The following ESYT1 variants were observed in gnomAD, a reference collection of about 807,000 sequenced individuals.
ESYT1 encodes extended synaptotagmin 1, also known as extended synaptotagmin-1.
In ESYT1, 116 loss-of-function variants were observed where a neutral mutation model predicts 154.2. The observed-to-expected ratio is 0.75, with a 90% CI of 0.65 to 0.88. The LOEUF (loss-of-function observed/expected upper bound fraction) is 0.88, where lower values mean the gene tolerates loss of function less well. Ranked by LOEUF, ESYT1 falls within the 40% of genes least tolerant of loss-of-function variation. The pLI, the probability that ESYT1 is intolerant of heterozygous loss-of-function variation, is 0.00. For missense variants in ESYT1, 1,264 were observed against 1,379.3 expected (o/e 0.92, Z 1.32); for synonymous variants, 500 against 539.9 (o/e 0.93, Z 1.02).
rs1330901436 is a variant in ESYT1, at chr12:56,136,753, G to A, written c.1642G>A (p.Asp548Asn). Residue 548 changes from aspartate (D) to asparagine (N), a missense_variant, in exon 16 of 31, where the codon GAT (aspartate) becomes AAT (asparagine). Asp to Asn is a conservative substitution (Grantham distance 23, BLOSUM62 1). Coordinates refer to ENST00000394048, the MANE Select transcript of ESYT1 (RefSeq NM_015292.3). ...SQELDVQVKDDSRALTLGALT... is the reference protein window; with the variant it reads ...SQELDVQVKDNSRALTLGALT... ...CCTCCTGTGCCTGTAGGTGAAGGATGATTCCAGGGCCCTGACTTTAGGAGC... is the reference window on the plus strand; with the variant it reads ...CCTCCTGTGCCTGTAGGTGAAGGATAATTCCAGGGCCCTGACTTTAGGAGC... 4 of 1,605,856 alleles carry A rather than the reference G, an allele frequency of 2.5e-6. No individual in the cohort carries two copies. In the South Asian group the frequency reaches 4.4e-5, roughly 18 times the overall value.
In ESYT1 at chr12:56,138,234, C is replaced by T. The variant is rs760550478; in HGVS notation, c.2299C>T (p.Arg767Cys). Residue 767 changes from arginine to cysteine, a missense_variant, in exon 21 of 31, where the codon CGT becomes TGT. By Grantham distance (180) the Arg-to-Cys change is radical. Coordinates refer to ENST00000394048, the MANE Select transcript of ESYT1 (RefSeq NM_015292.3). ...TGGCCGCCTGCACTTGCGCCTGGAG[C>T]GTCTCACCCCCCGTCCCACTGCTGC... Reference protein sequence around the residue: ...PSGRLHLRLERLTPRPTAAEL... With the variant: ...PSGRLHLRLECLTPRPTAAEL... 4.3e-6 allele frequency: 7 copies of T among 1,614,192 alleles called. No homozygotes were observed. The highest frequency in any genetic ancestry group is 2.2e-5 in the East Asian group (1 of 44,886).
intron 14 of ESYT1, 47 bp downstream of exon 14, chr12:56,134,228 G>C (rs1419796862): frequency 1.2e-6 from 2 of 1,605,832 alleles, no homozygotes; most frequent in South Asian, 2.2e-5. Context: ...GACAGGGAGA[G>C]GCCTATTCTT....
chr12:56,132,895 C>T lies in ESYT1; in HGVS notation c.1244+94C>T, dbSNP rs1044258227. On this transcript the variant is annotated intron_variant, in intron 10 of 30. Coordinates refer to ENST00000394048, the MANE Select transcript of ESYT1 (RefSeq NM_015292.3). ...CAGCACTTTGGGAGGCTGAGGCGGG[C>T]GGATCACGAGGTCAGGAGATTGAGA... 26 of 1,055,322 alleles carry T rather than the reference C, an allele frequency of 2.5e-5. No homozygotes were observed. The African/African-American group carries it at 2.5e-4, about 10-fold the overall frequency. The allele number at this position is 1,055,322 out of a possible 1,614,324, so 65.4% of individuals were successfully genotyped here.
In ESYT1 at chr12:56,138,244, C is replaced by G; in HGVS notation, c.2309C>G (p.Pro770Arg). 2 of 1,614,232 alleles carry G rather than the reference C, an allele frequency of 1.2e-6. No individual in the cohort carries two copies. The highest frequency in any genetic ancestry group is 1.7e-5 in the Admixed American group (1 of 60,024). ...CACTTGCGCCTGGAGCGTCTCACCCCCCGTCCCACTGCTGCTGAGTTAGAG... is the reference window on the plus strand; with the variant it reads ...CACTTGCGCCTGGAGCGTCTCACCCGCCGTCCCACTGCTGCTGAGTTAGAG... ...RLHLRLERLT[P>R]RPTAAELEEV... Residue 770 changes from proline to arginine, a missense_variant, in exon 21 of 31, where the codon CCC becomes CGC. By Grantham distance (103) the Pro-to-Arg change is moderately radical. Coordinates refer to ENST00000394048, the MANE Select transcript of ESYT1 (RefSeq NM_015292.3).
chr12:56,132,711 T>C lies in ESYT1; in HGVS notation c.1162-8T>C. 3 of 1,614,114 alleles carry C rather than the reference T, an allele frequency of 1.9e-6. No homozygotes were observed. Among genetic ancestry groups the C allele is most frequent in the Non-Finnish European group, 2.5e-6 (3 of 1,179,980 alleles). ...CCCATGAGACACTCAGCCTTCTGTG[T>C]TCCCCAGGTGATGGTACACGAGGTC... is the stretch of plus-strand genomic sequence containing the variant. On this transcript the variant is annotated splice_region_variant and splice_polypyrimidine_tract_variant and intron_variant, in intron 9 of 30. Transcript: ENST00000394048.
chr12:56,142,430 G>A lies in ESYT1; in HGVS notation c.2733+5G>A. 6.2e-7 allele frequency: 1 copy of A among 1,611,538 alleles called. No individual in the cohort carries two copies. Among genetic ancestry groups the A allele is most frequent in the Non-Finnish European group, 8.5e-7 (1 of 1,178,140 alleles). ...CTACTGAGAGCACAGCTAGGGGTGA[G>A]TGACAGGAGATGGTGGGCAGGATGA... On this transcript the variant is annotated splice_donor_5th_base_variant and intron_variant, in intron 25 of 30. Transcript: ENST00000394048. The surrounding 1 kb of genome is among the most constrained non-coding windows in gnomAD (Gnocchi z 4.1).
intron 1 of ESYT1, chr12:56,130,223 T>G (rs1870175958): frequency 2.7e-6 from 1 of 364,044 alleles, no homozygotes; most frequent in South Asian, 3.1e-5. Flanking sequence ...GAACCAGGAC[T>G]TTTTAAATCC....
chr12:56,143,999 T>C lies in ESYT1; in HGVS notation c.*137T>C. 1.3e-6 allele frequency: 2 copies of C among 1,549,528 alleles called. No homozygotes were observed. The highest frequency in any genetic ancestry group is 1.7e-6 in the Non-Finnish European group (2 of 1,153,786). On this transcript the variant is annotated 3_prime_UTR_variant, in exon 31 of 31. Coordinates refer to ENST00000394048, the MANE Select transcript of ESYT1 (RefSeq NM_015292.3). ...TCAGCCCTTTCACCTAACAGGCCCA[T>C]ATTCGGGCCTTTGCCTGACCAAAGA...
intron 13 of ESYT1, 101 bp from the exon 14 acceptor site, chr12:56,134,009 A>T (rs1371224408): frequency 1.3e-6 from 2 of 1,548,296 alleles, no homozygotes; most frequent in Non-Finnish European, 1.8e-6. Context: ...AGGGGATCAG[A>T]TCCATCTCAG....
rs1298868830 is a variant in ESYT1, at chr12:56,142,588, C to T, written c.2744C>T (p.Ser915Phe). 1.2e-6 allele frequency: 2 copies of T among 1,614,140 alleles called. No individual in the cohort carries two copies. The highest frequency in any genetic ancestry group is 2.2e-5 in the South Asian group (2 of 91,084). Reference protein sequence around the residue: ...LLRAQLGILVSQHSGVEAHSH... With the variant: ...LLRAQLGILVFQHSGVEAHSH... ...CTTTCTTGCCCCTAGATCCTGGTGT[C>T]CCAGCACTCGGGAGTGGAAGCTCAT... Residue 915 changes from serine to phenylalanine, a missense_variant, in exon 26 of 31, where the codon TCC (serine) becomes TTC (phenylalanine). Transcript: ENST00000394048. The surrounding 1 kb of genome is among the most constrained non-coding windows in gnomAD (Gnocchi z 4.1).
chr12:56,132,520 G>A lies in ESYT1; in HGVS notation c.1084G>A (p.Val362Met), dbSNP rs754440919. 6.2e-7 allele frequency: 1 copy of A among 1,614,236 alleles called. No individual in the cohort carries two copies. The highest frequency in any genetic ancestry group is 1.7e-5 in the Admixed American group (1 of 60,028). Residue 362 changes from valine (V) to methionine (M), a missense_variant, in exon 9 of 31, where the codon GTG becomes ATG. Coordinates refer to ENST00000394048, the MANE Select transcript of ESYT1 (RefSeq NM_015292.3). ...GGGCAAGTCAGACCCATATGCACTTGTGCGTTTGGGTACCCAGACATTCTG... is the reference window on the plus strand; with the variant it reads ...GGGCAAGTCAGACCCATATGCACTTATGCGTTTGGGTACCCAGACATTCTG... Reference protein sequence around the residue: ...IEGKSDPYALVRLGTQTFCSR... With the variant: ...IEGKSDPYALMRLGTQTFCSR...
In ESYT1 at chr12:56,131,579, A is replaced by G; in HGVS notation, c.804+13A>G. On this transcript the variant is annotated intron_variant, in intron 6 of 30. Transcript: ENST00000394048. ...CATCCGACGCCCGGTAAGGGAAAACAATGAAGGGGTATGGGGAAGCAGGAG... is the reference window on the plus strand; with the variant it reads ...CATCCGACGCCCGGTAAGGGAAAACGATGAAGGGGTATGGGGAAGCAGGAG... 1.9e-6 allele frequency: 3 copies of G among 1,613,856 alleles called. No homozygotes were observed. Among genetic ancestry groups the G allele is most frequent in the Admixed American group, 1.7e-5 (1 of 60,024 alleles).
At chr12:56,138,656 A>C in intron 22 of ESYT1, 112 bp from the exon 23 acceptor site, 1 of 1,279,936 alleles carries the variant, frequency 7.8e-7, no homozygotes, top group Non-Finnish European at 1.1e-6. Flanking sequence ...GGCCACGGGT[A>C]GTGGCTGCCA....
chr12:56,141,694 T>C (rs545133168), intron 24 of ESYT1, among the ~76,000 whole-genome samples: 14 of 151,940 alleles, frequency 9.2e-5, no homozygotes, highest in East Asian at 3.9e-4. Context: ...GAGCTGAGAT[T>C]GCGCCACTGC....
intron 1 of ESYT1, chr12:56,128,987 G>T (rs1339307654): frequency 1.7e-5 from 8 of 461,306 alleles, no homozygotes; most frequent in Non-Finnish European, 1.2e-5. Flanking sequence ...AACATCTGGG[G>T]ACCCCGTCTC....
At position 56,132,108 on chromosome 12, in the gene ESYT1, C is replaced by T. The variant is rs1870258704; in HGVS notation, c.861-101C>T. On this transcript the variant is annotated intron_variant, in intron 7 of 30. Coordinates refer to ENST00000394048, the MANE Select transcript of ESYT1 (RefSeq NM_015292.3). ...CAAAGGATTTTCACAAAAGGACTTT[C>T]TTACAGCTTTAGGTCTCTCTTGGGT... is the stretch of plus-strand genomic sequence containing the variant. 10 of 1,568,920 alleles carry T rather than the reference C, an allele frequency of 6.4e-6. No homozygotes were observed. In the Admixed American group the frequency reaches 1.2e-4, roughly 19 times the overall value.
intron 15 of ESYT1, among the ~76,000 whole-genome samples, chr12:56,136,154 G>A (rs967758898): frequency 6.6e-6 from 1 of 152,002 alleles, no homozygotes; most frequent in Non-Finnish European, 1.5e-5. Flanking sequence ...GACTAAGGAG[G>A]GTCAGAGAAA....
In ESYT1 at chr12:56,137,813, C is replaced by T; in HGVS notation, c.2116-19C>T. The T allele has an allele frequency of 1.2e-6, 2 of 1,613,182 alleles. No individual in the cohort carries two copies. Among genetic ancestry groups the T allele is most frequent in the African/African-American group, 1.3e-5 (1 of 74,978 alleles). ...GGAAAAGGAGAGAATCTTTCATCTG[C>T]ACTATTTTCTCCCACTAGGTGATCG... is the stretch of plus-strand genomic sequence containing the variant. On this transcript the variant is annotated intron_variant, in intron 18 of 30. Transcript: ENST00000394048.
In ESYT1 at chr12:56,134,147, A is replaced by G. The variant is rs1354705919; in HGVS notation, c.1511A>G (p.Gln504Arg). 6.2e-7 allele frequency: 1 copy of G among 1,614,188 alleles called. No homozygotes were observed. The highest frequency in any genetic ancestry group is 1.1e-5 in the South Asian group (1 of 91,080). ...KGNKEPNPMV[Q>R]LSIQDVTQES... ...AACAAGGAACCCAACCCTATGGTAC[A>G]ACTGTCAATTCAGGATGTGACTCAG... The change falls in exon 14 of 31, where the codon CAA (glutamine) becomes CGA (arginine). Residue 504 changes from glutamine to arginine, a missense_variant. Coordinates refer to ENST00000394048, the MANE Select transcript of ESYT1 (RefSeq NM_015292.3).
Sources: allele counts gnomAD v4.1 joint callset (sites outside exome capture counted in the v4.1 genomes callset), GRCh38; gene constraint gnomAD v4.1.1; non-coding constraint Gnocchi (gnomAD v3.1); transcripts MANE v1.5; gene names NCBI Gene and HGNC (gene_info 2026-07-23, HGNC 2026-07-21).